The following KMT2C variants were observed in gnomAD, a reference collection of about 807,000 sequenced individuals.
KMT2C encodes lysine methyltransferase 2C.
In KMT2C, 88 loss-of-function variants were observed where a neutral mutation model predicts 507.9. The observed-to-expected ratio is 0.17, with a 90% CI of 0.15 to 0.21. The LOEUF is 0.21. KMT2C is among the 10% of genes least tolerant of loss of function. KMT2C has a pLI of 1.00. For synonymous variants in KMT2C, 2,049 were observed against 2,080.8 expected, an observed-to-expected ratio of 0.98 and a Z score of 0.42; for missense variants, 4,954 against 5,957.8, an observed-to-expected ratio of 0.83 and a Z score of 5.55.
rs1466746126 is a variant in KMT2C, at chr7:152,391,413, T to C, written c.162-32738A>G. Reference sequence around the variant, plus strand: ...CCTGCCACCACGCCTAGCTAGTTTTTGTATTTTTAGTAGAGACAGGGTTTT... The same window carrying C: ...CCTGCCACCACGCCTAGCTAGTTTTCGTATTTTTAGTAGAGACAGGGTTTT... On this transcript the variant is annotated intron_variant, in intron 1 of 58. Coordinates refer to ENST00000262189, the MANE Select transcript of KMT2C (RefSeq NM_170606.3). Among the ~76,000 whole-genome samples, 3 of 151,738 alleles carry C rather than the reference T, an allele frequency of 2.0e-5. No individual in the cohort carries two copies. In the East Asian group the frequency reaches 5.9e-4, roughly 30 times the overall value.
chr7:152,395,091 A>G (rs1382450329), intron 1 of KMT2C, among the ~76,000 whole-genome samples: 1 of 152,200 alleles, frequency 6.6e-6, no homozygotes, highest in African/African-American at 2.4e-5. Flanking sequence ...AATAACCATG[A>G]AATAATCTCA....
rs2094193861 is a variant in KMT2C, at chr7:152,203,044, C to G, written c.3982G>C (p.Asp1328His). 3.7e-6 allele frequency: 6 copies of G among 1,610,666 alleles called. No homozygotes were observed. The highest frequency in any genetic ancestry group is 5.1e-6 in the Non-Finnish European group (6 of 1,178,212). Reference sequence around the variant, plus strand: ...GAAACAGATTCATCAACTAAAGTATCTGGTAACTGCTCACTCCAGCCTGAA... The same window carrying G: ...GAAACAGATTCATCAACTAAAGTATGTGGTAACTGCTCACTCCAGCCTGAA... Reference protein sequence around the residue: ...RDDGWSEQLPDTLVDESVSVT... With the variant: ...RDDGWSEQLPHTLVDESVSVT... Residue 1328 changes from aspartate (D) to histidine (H), a missense_variant, in exon 26 of 59, where the codon GAT becomes CAT. Transcript: ENST00000262189.
chr7:152,278,033 C>G (rs1439541468), intron 6 of KMT2C, among the ~76,000 whole-genome samples: 1 of 152,000 alleles, frequency 6.6e-6, no homozygotes, highest in East Asian at 1.9e-4. Context: ...ATATTTGTCC[C>G]CGCCAAAATT....
At chr7:152,254,494 A>G (rs2095613143) in intron 9 of KMT2C, among the ~76,000 whole-genome samples, 1 of 152,200 alleles carries the variant, frequency 6.6e-6, no homozygotes, top group African/African-American at 2.4e-5. Context: ...TCAATGCAAC[A>G]GATGATTAAA....
At chr7:152,149,810 C>T (rs2091457791) in intron 51 of KMT2C, among the ~76,000 whole-genome samples, 1 of 152,120 alleles carries the variant, frequency 6.6e-6, no homozygotes, top group Non-Finnish European at 1.5e-5. Flanking sequence ...AACACCAACC[C>T]ACAGGCTGCC....
rs1376021691 is a variant in KMT2C, at chr7:152,177,486, TCAC to T, written c.7964_7966del (p.Gly2655del). 6.2e-7 allele frequency: 1 copy of T among 1,614,214 alleles called. No individual in the cohort carries two copies. Among genetic ancestry groups the T allele is most frequent in the Non-Finnish European group, 8.5e-7 (1 of 1,180,042 alleles). On this transcript the variant is annotated inframe_deletion, in exon 38 of 59. Transcript: ENST00000262189. ...TGTTGACAAAGGAGCTTCTGAAAAT[TCAC>T]CACCTAGTGGATGGTTCAGAGTCCT...
At chr7:152,275,080 AACCAGGG>A (rs2096057578) in intron 6 of KMT2C, among the ~76,000 whole-genome samples, 1 of 152,202 alleles carries the variant, frequency 6.6e-6, no homozygotes, top group Non-Finnish European at 1.5e-5. Context: ...TCTGCTAATT[AACCAGGG>A]ACTACAGTAG....
At chr7:152,427,309 G>A (rs975858256) in intron 1 of KMT2C, among the ~76,000 whole-genome samples, 5 of 152,022 alleles carry the variant, frequency 3.3e-5, no homozygotes, top group East Asian at 1.9e-4. Context: ...CACTGCGCCC[G>A]GCCCCCAGAG....
rs2116823069 is a variant in KMT2C at position 152,435,975 on chromosome 7, T to TCACA, written c.-193_-190dup. On this transcript the variant is annotated 5_prime_UTR_variant, in exon 1 of 59. An upstream open reading frame in the 5' UTR loses its in-frame stop. Coordinates refer to ENST00000262189, the MANE Select transcript of KMT2C (RefSeq NM_170606.3). The stretch of plus-strand genomic sequence containing the variant: ...AACATGGAGCGAGCAGGACACGCAC[T>TCACA]CACACACATCGGCGCGGGCGCGCGC... 2.8e-6 allele frequency: 1 copy of TCACA among 362,842 alleles called. No homozygotes were observed. Among genetic ancestry groups the TCACA allele is most frequent in the East Asian group, 4.4e-5 (1 of 22,576 alleles). The allele number at this position is 362,842 out of a possible 1,614,324, so 22.5% of individuals were successfully genotyped here.
intron 1 of KMT2C, among the ~76,000 whole-genome samples, chr7:152,413,017 C>G (rs947323459): frequency 1.3e-5 from 2 of 152,176 alleles, no homozygotes; most frequent in Non-Finnish European, 2.9e-5. Flanking sequence ...GTTGACTGTA[C>G]AGTTCATGCT....
intron 6 of KMT2C, among the ~76,000 whole-genome samples, chr7:152,304,697 A>T (rs1027942210): frequency 1.3e-5 from 2 of 152,042 alleles, no homozygotes; most frequent in African/African-American, 2.4e-5. Context: ...AGGTCAGCAA[A>T]TTTCATTTTT....
intron 16 of KMT2C, among the ~76,000 whole-genome samples, chr7:152,233,534 A>T (rs2129153743): frequency 6.6e-6 from 1 of 152,292 alleles, no homozygotes. Flanking sequence ...TAAAACAGAA[A>T]GGGGAAAGAA....
At position 152,240,504 on chromosome 7, in the gene KMT2C, TG is replaced by T. The variant is rs201411013; in HGVS notation, c.2533-1679del. ...TCTACAATGAGGGCATCTTGGAAGTTGATGCTTCCCATATTCTTATTTCTAG... is the reference window on the plus strand; with the variant it reads ...TCTACAATGAGGGCATCTTGGAAGTTATGCTTCCCATATTCTTATTTCTAG... On this transcript the variant is annotated intron_variant, in intron 14 of 58. Coordinates refer to ENST00000262189, the MANE Select transcript of KMT2C (RefSeq NM_170606.3). Among the ~76,000 whole-genome samples the T allele has an allele frequency of 8.5e-3, 1,289 of 152,362 alleles. 7 individuals are homozygous for T. The highest frequency in any genetic ancestry group is 0.03 in the African/African-American group (1,242 of 41,576).
intron 1 of KMT2C, chr7:152,368,109 T>C: frequency 1.1e-6 from 1 of 939,084 alleles, no homozygotes; most frequent in South Asian, 1.3e-5. Context: ...CTAGTAATAC[T>C]ATCATTGAAG....
rs946300617 is a variant in KMT2C, at chr7:152,414,304, C to T, written c.161+21322G>A. Among the ~76,000 whole-genome samples, 10 of 150,730 alleles carry T rather than the reference C, an allele frequency of 6.6e-5. No individual in the cohort carries two copies. The East Asian group carries it at 7.9e-4, about 12-fold the overall frequency. ...AGCATTTTGGGAGGCCAAGGGGGTG[C>T]GGATCACCTGAGGTCAGGAGTTCGA... On this transcript the variant is annotated intron_variant, in intron 1 of 58. Transcript: ENST00000262189.
At position 152,190,127 on chromosome 7, in the gene KMT2C, C is replaced by A. The variant is rs530144586; in HGVS notation, c.4661-2280G>T. Among the ~76,000 whole-genome samples, 165 of 152,260 alleles carry A rather than the reference C, an allele frequency of 1.1e-3. 3 individuals carry two copies. In the South Asian group the frequency reaches 0.02, roughly 19 times the overall value. ...GTTTCATCGCAAAACCATTCCCCAA[C>A]CCACCAACCTGGGTTTGTGAAAAAA... On this transcript the variant is annotated intron_variant, in intron 31 of 58. Transcript: ENST00000262189.
intron 2 of KMT2C, among the ~76,000 whole-genome samples, chr7:152,355,230 T>C (rs73730048): frequency 0.039 from 5,866 of 152,250 alleles, 396 homozygotes; most frequent in African/African-American, 0.13. Context: ...GCCTGAACAA[T>C]ATACAGTGGC....
chr7:152,299,914 G>A (rs1165377567), intron 6 of KMT2C, among the ~76,000 whole-genome samples: 6 of 152,056 alleles, frequency 3.9e-5, no homozygotes, highest in East Asian at 3.9e-4. Context: ...CCATGCTTAC[G>A]CTAGTCAAGA....
Position 152,154,454 on chromosome 7 carries a change from A to T in KMT2C, c.11961-9T>A, listed in dbSNP as rs758931987. On this transcript the variant is annotated splice_polypyrimidine_tract_variant and intron_variant, in intron 46 of 58. Coordinates refer to ENST00000262189, the MANE Select transcript of KMT2C (RefSeq NM_170606.3). ...CACAGTGATCCTGTATCCTGAAAAA[A>T]CATAAACACACACATCAAAGTCTGC... 6.2e-7 allele frequency: 1 copy of T among 1,610,036 alleles called. No individual in the cohort carries two copies. Among genetic ancestry groups the T allele is most frequent in the Non-Finnish European group, 8.5e-7 (1 of 1,179,796 alleles).
Sources: gnomAD v4.1 joint callset for allele counts (sites outside exome capture counted in the v4.1 genomes callset) on GRCh38, gnomAD v4.1.1 for gene constraint, MANE v1.5 for transcripts, NCBI Gene and HGNC (gene_info 2026-07-23, HGNC 2026-07-21) for gene names.